The following OCIAD1 variants were observed in gnomAD, a reference collection of about 807,000 sequenced individuals.
OCIAD1 encodes the protein OCIA domain containing 1, also known as OCIA domain-containing protein 1.
OCIAD1 carries 29 observed loss-of-function variants against 38.9 expected under a neutral mutation model. The ratio of observed to expected loss-of-function variants is 0.74; its 90% CI spans 0.55 to 1.02. OCIAD1 has a LOEUF of 1.02. Among genes scored for constraint, OCIAD1 ranks in the 50% least tolerant of loss-of-function variants. OCIAD1 has a pLI of 0.00. For synonymous variants in OCIAD1, 110 were observed against 92.0 expected (o/e 1.20, Z -1.12); for missense variants, 288 against 289.6 (o/e 0.99, Z 0.04).
intron 3 of OCIAD1, among the ~76,000 whole-genome samples, chr4:48,836,984 T>C (rs1778044166): frequency 6.6e-6 from 1 of 152,248 alleles, no homozygotes; most frequent in Non-Finnish European, 1.5e-5. Flanking sequence ...TTCTTTCTTT[T>C]TTTTTGAGAC....
intron 1 of OCIAD1, among the ~76,000 whole-genome samples, chr4:48,815,958 C>T (rs1275575144): frequency 3.3e-5 from 5 of 151,970 alleles, no homozygotes; most frequent in Non-Finnish European, 2.9e-5. Flanking sequence ...TAATTTTATC[C>T]CTATCTGATT....
chr4:48,809,840 A>G (rs73815341), intron 1 of OCIAD1, among the ~76,000 whole-genome samples: 3,923 of 152,254 alleles, frequency 0.026, 180 homozygotes, highest in African/African-American at 0.089. Context: ...TTCCTCTAAT[A>G]ACCTAGGCTC....
intron 4 of OCIAD1, among the ~76,000 whole-genome samples, chr4:48,843,258 AGATT>A (rs1394046589): frequency 6.6e-6 from 1 of 152,342 alleles, no homozygotes; most frequent in East Asian, 1.9e-4. Flanking sequence ...AATTGAGTTT[AGATT>A]GAGTATTAAA....
intron 1 of OCIAD1, among the ~76,000 whole-genome samples, chr4:48,811,534 C>T (rs1332330413): frequency 6.6e-6 from 1 of 152,206 alleles, no homozygotes; most frequent in Non-Finnish European, 1.5e-5. Context: ...TATGTAATTG[C>T]TCTCAGATAT....
chr4:48,851,769 C>T (rs1779496669), intron 6 of OCIAD1, 37 bp from the exon 7 acceptor site: 3 of 1,204,276 alleles, frequency 2.5e-6, no homozygotes, highest in Non-Finnish European at 3.7e-6. Flanking sequence ...TAGGCAATGA[C>T]TCATATTTCT....
chr4:48,839,953 T>TTACCACAAACTAACCA (rs1778374806), intron 3 of OCIAD1, among the ~76,000 whole-genome samples: 1 of 152,212 alleles, frequency 6.6e-6, no homozygotes, highest in Non-Finnish European at 1.5e-5. Context: ...ACTAACCAGC[T>TTACCACAAACTAACCA]GTGTTGCTTT....
chr4:48,836,205 G>T (rs1473847605), intron 3 of OCIAD1, among the ~76,000 whole-genome samples: 1 of 152,180 alleles, frequency 6.6e-6, no homozygotes, highest in African/African-American at 2.4e-5. Flanking sequence ...TCAACGATGA[G>T]ATATAGTTGA....
chr4:48,858,851 T>C (rs1339588569), intron 8 of OCIAD1, among the ~76,000 whole-genome samples: 1 of 152,234 alleles, frequency 6.6e-6, no homozygotes, highest in East Asian at 1.9e-4. Flanking sequence ...TTAAGTCTTT[T>C]TGGAATAGCT....
chr4:48,844,421 C>T (rs1342212712), intron 4 of OCIAD1, among the ~76,000 whole-genome samples: 1 of 151,934 alleles, frequency 6.6e-6, no homozygotes, highest in African/African-American at 2.4e-5. Context: ...CGAGACCGTC[C>T]TGGCCAACAT....
intron 1 of OCIAD1, among the ~76,000 whole-genome samples, chr4:48,806,341 C>T (rs1225457156): frequency 6.6e-6 from 1 of 152,016 alleles, no homozygotes; most frequent in East Asian, 1.9e-4. Flanking sequence ...ATTAAAACAC[C>T]TTTTTGGACA....
At chr4:48,837,685 G>A (rs1170222500) in intron 3 of OCIAD1, among the ~76,000 whole-genome samples, 8 of 147,806 alleles carry the variant, frequency 5.4e-5, no homozygotes, top group Admixed American at 1.4e-4. Flanking sequence ...ATTATATAGA[G>A]TAGATAGGAT....
chr4:48,858,264 C>G lies in OCIAD1; in HGVS notation c.700+899C>G, dbSNP rs573281751. ...GAGACATACTCATTTGACTGTTTCT[C>G]TCTTACAACAAATCTCCTTGGAGAT... is the stretch of plus-strand genomic sequence containing the variant. On this transcript the variant is annotated intron_variant, in intron 8 of 8. Transcript: ENST00000264312. 3.4e-3 allele frequency among the ~76,000 whole-genome samples: 515 copies of G among 152,258 alleles called. 3 individuals are homozygous for G. Among genetic ancestry groups the G allele is most frequent in the South Asian group, 0.014 (68 of 4,828 alleles).
upstream of OCIAD1, among the ~76,000 whole-genome samples, chr4:48,827,621 G>A (rs1274453098): frequency 6.6e-6 from 1 of 152,236 alleles, no homozygotes; most frequent in Admixed American, 6.5e-5. Flanking sequence ...CAAAGTGACA[G>A]TTTACTTGAA....
intron 7 of OCIAD1, among the ~76,000 whole-genome samples, chr4:48,852,698 A>C (rs1276579156): frequency 3.3e-5 from 5 of 152,094 alleles, no homozygotes; most frequent in African/African-American, 1.2e-4. Context: ...GAACTGTTGG[A>C]ATTAGAGGAA....
At chr4:48,822,381 C>T (rs1285374167) in intron 1 of OCIAD1, among the ~76,000 whole-genome samples, 9 of 152,062 alleles carry the variant, frequency 5.9e-5, no homozygotes, top group African/African-American at 9.7e-5. Flanking sequence ...TTACATCTTA[C>T]GTAAAAATTA....
At chr4:48,807,437 C>A (rs1273551488) in intron 1 of OCIAD1, among the ~76,000 whole-genome samples, 1 of 152,092 alleles carries the variant, frequency 6.6e-6, no homozygotes, top group East Asian at 1.9e-4. Flanking sequence ...GCCCTTGTAT[C>A]TCAACTTCCT....
chr4:48,826,608 G>T (rs1777253721), upstream of OCIAD1, among the ~76,000 whole-genome samples: 1 of 151,990 alleles, frequency 6.6e-6, no homozygotes, highest in African/African-American at 2.4e-5. Context: ...AAACATTGAG[G>T]TAATGAATAT....
chr4:48,842,830 T>C (rs1310219251), intron 4 of OCIAD1, 141 bp downstream of exon 4: 2 of 550,986 alleles, frequency 3.6e-6, no homozygotes, highest in Non-Finnish European at 6.2e-6. Flanking sequence ...AATTTAAACG[T>C]TTTATCTCTG....
At chr4:48,844,106 A>G (rs1412102430) in intron 4 of OCIAD1, among the ~76,000 whole-genome samples, 1 of 152,174 alleles carries the variant, frequency 6.6e-6, no homozygotes, top group Non-Finnish European at 1.5e-5. Context: ...GGCAGGATTT[A>G]GATTAAATGA....
Sources: allele counts gnomAD v4.1 joint callset (sites outside exome capture counted in the v4.1 genomes callset), GRCh38; gene constraint gnomAD v4.1.1; transcripts MANE v1.5; gene names NCBI Gene and HGNC (gene_info 2026-07-23, HGNC 2026-07-21).